LRMDA: variants seen among roughly 807,000 people sequenced by gnomAD.
LRMDA encodes the protein leucine-rich melanocyte differentiation-associated protein.
In LRMDA, 18 loss-of-function variants were observed where a neutral mutation model predicts 29.8. That is an observed-to-expected ratio of 0.60 (90% CI 0.42 to 0.90). The LOEUF is 0.90. Among genes scored for constraint, LRMDA ranks in the 40% least tolerant of loss-of-function variants. The pLI is 0.00. For missense variants in LRMDA, 273 were observed against 273.9 expected (o/e 1.00, Z 0.02); for synonymous variants, 125 against 109.4 (o/e 1.14, Z -0.89).
At chr10:75,686,015 G>A (rs1231679540) in intron 2 of LRMDA, among the ~76,000 whole-genome samples, 2 of 152,200 alleles carry the variant, frequency 1.3e-5, no homozygotes. Context: ...GGCATGGAGA[G>A]ACGAAGGAAT....
intron 2 of LRMDA, among the ~76,000 whole-genome samples, chr10:75,534,843 C>T (rs969801534): frequency 6.6e-6 from 1 of 152,028 alleles, no homozygotes; most frequent in African/African-American, 2.4e-5. Flanking sequence ...CCCTTTTAAG[C>T]CTAATTAGGG....
intron 5 of LRMDA, among the ~76,000 whole-genome samples, chr10:76,082,526 T>C (rs73281589): frequency 6.6e-6 from 1 of 152,038 alleles, no homozygotes; most frequent in African/African-American, 2.4e-5. Context: ...TTCCATTAGA[T>C]GTTTATTGCT....
chr10:75,701,682 ATCATGAGCTGAG>A (rs1162200254), intron 2 of LRMDA, among the ~76,000 whole-genome samples: 2 of 152,178 alleles, frequency 1.3e-5, no homozygotes, highest in Admixed American at 1.3e-4. Flanking sequence ...CACTAGCTGA[ATCATGAGCTGAG>A]TCAGCTCAGT....
chr10:75,950,458 G>T (rs1410436606), intron 2 of LRMDA, among the ~76,000 whole-genome samples: 1 of 152,198 alleles, frequency 6.6e-6, no homozygotes, highest in Non-Finnish European at 1.5e-5. Flanking sequence ...AGACAGCTCT[G>T]TTCACACATG....
At chr10:76,111,211 C>G (rs1849573383) in intron 5 of LRMDA, among the ~76,000 whole-genome samples, 1 of 152,214 alleles carries the variant, frequency 6.6e-6, no homozygotes, top group Non-Finnish European at 1.5e-5. Flanking sequence ...CCTCTCCTTC[C>G]TAGCCCTTGT....
chr10:76,085,271 G>A (rs1459268464), intron 5 of LRMDA, among the ~76,000 whole-genome samples: 5 of 152,262 alleles, frequency 3.3e-5, no homozygotes, highest in Non-Finnish European at 7.4e-5. Context: ...TAATACATCT[G>A]GGGACAAATA....
chr10:76,331,265 C>T (rs375364692), intron 6 of LRMDA, among the ~76,000 whole-genome samples: 19 of 152,172 alleles, frequency 1.2e-4, no homozygotes, highest in South Asian at 4.2e-4. Context: ...AGTGAGAGTC[C>T]GTCTCAAACA....
intron 5 of LRMDA, among the ~76,000 whole-genome samples, chr10:76,108,599 CA>C (rs1162019399): frequency 1.3e-5 from 2 of 152,304 alleles, no homozygotes; most frequent in Non-Finnish European, 2.9e-5. Context: ...ATTGCAATTA[CA>C]GATGATTTTT....
intron 5 of LRMDA, among the ~76,000 whole-genome samples, chr10:76,065,031 A>C (rs1057466418): frequency 6.6e-6 from 1 of 152,048 alleles, no homozygotes; most frequent in African/African-American, 2.4e-5. Context: ...TTTTTTAATT[A>C]ACTGTTTTTT....
At chr10:76,384,267 C>G (rs929105826) in intron 6 of LRMDA, among the ~76,000 whole-genome samples, 1 of 152,132 alleles carries the variant, frequency 6.6e-6, no homozygotes, top group Non-Finnish European at 1.5e-5. Flanking sequence ...ATACATTTAT[C>G]TATTAACCAA....
At chr10:76,091,076 T>G (rs1269622225) in intron 5 of LRMDA, among the ~76,000 whole-genome samples, 1 of 152,252 alleles carries the variant, frequency 6.6e-6, no homozygotes, top group Non-Finnish European at 1.5e-5. Flanking sequence ...GTAGATTCAC[T>G]GCTGCTGTTT....
chr10:75,771,275 C>G (rs182691610), intron 2 of LRMDA, among the ~76,000 whole-genome samples: 64 of 152,116 alleles, frequency 4.2e-4, no homozygotes, highest in African/African-American at 1.5e-3. Context: ...TTCCTTCCAT[C>G]CATGCATTTT....
At chr10:75,692,219 A>AATATATATATATATATATATATAT (rs57600678) in intron 2 of LRMDA, among the ~76,000 whole-genome samples, 3 of 87,562 alleles carry the variant, frequency 3.4e-5, no homozygotes, top group African/African-American at 1.7e-4. Context: ...AAAAAAAAAA[A>AATATATATATATATATATATATAT]ATATATATAT....
chr10:75,870,721 C>T (rs2132331649), intron 2 of LRMDA, among the ~76,000 whole-genome samples: 1 of 152,292 alleles, frequency 6.6e-6, no homozygotes, highest in African/African-American at 2.4e-5. Context: ...TTTGTCTACT[C>T]TCCCCATTCA....
rs144533980 is a variant in LRMDA, at chr10:75,965,046, G to A, written c.132-70962G>A. On this transcript the variant is annotated intron_variant, in intron 2 of 6. Transcript: ENST00000611255. ...CTCCCAAAGTGCTGGGATTACAGGTGTGAGCCACTACACCCAGCCTGAAGC... is the reference window on the plus strand; with the variant it reads ...CTCCCAAAGTGCTGGGATTACAGGTATGAGCCACTACACCCAGCCTGAAGC... Among the ~76,000 whole-genome samples the A allele has an allele frequency of 3.9e-3, 593 of 152,300 alleles. 8 individuals are homozygous for A. Among genetic ancestry groups the A allele is most frequent in the African/African-American group, 0.014 (577 of 41,564 alleles).
intron 6 of LRMDA, among the ~76,000 whole-genome samples, chr10:76,429,462 G>A (rs1430271811): frequency 6.6e-6 from 1 of 152,120 alleles, no homozygotes; most frequent in African/African-American, 2.4e-5. Context: ...GAAGATTTAG[G>A]TGATTGGACG....
chr10:75,846,654 C>T (rs552454355), intron 2 of LRMDA, among the ~76,000 whole-genome samples: 1 of 152,204 alleles, frequency 6.6e-6, no homozygotes, highest in South Asian at 2.1e-4. Flanking sequence ...ATGTGCAAAG[C>T]ACCATATTAA....
At chr10:75,856,102 C>A (rs905920780) in intron 2 of LRMDA, among the ~76,000 whole-genome samples, 17 of 152,162 alleles carry the variant, frequency 1.1e-4, no homozygotes, top group Admixed American at 5.9e-4. Flanking sequence ...TTCTGTGAAG[C>A]AAGTCATTGG....
intron 6 of LRMDA, among the ~76,000 whole-genome samples, chr10:76,547,707 T>C (rs1843438966): frequency 6.6e-6 from 1 of 152,170 alleles, no homozygotes; most frequent in South Asian, 2.1e-4. Flanking sequence ...CACTCAAACA[T>C]TGAGAAAGAA....
Sources: gnomAD v4.1 joint callset for allele counts (sites outside exome capture counted in the v4.1 genomes callset) on GRCh38, gnomAD v4.1.1 for gene constraint, MANE v1.5 for transcripts, NCBI Gene and HGNC (gene_info 2026-07-23, HGNC 2026-07-21) for gene names.